The following FGD4 variants were observed in gnomAD, a reference collection of about 807,000 sequenced individuals.
FGD4 encodes FYVE, RhoGEF and PH domain-containing protein 4.
Under a neutral mutation model 102.0 loss-of-function variants are expected in FGD4, and 42 were observed. That is an observed-to-expected ratio of 0.41 (90% CI 0.32 to 0.53). The LOEUF (loss-of-function observed/expected upper bound fraction) is 0.53, where lower values mean the gene tolerates loss of function less well. Ranked by LOEUF, FGD4 falls within the 20% of genes least tolerant of loss-of-function variation. The probability of loss-of-function intolerance (pLI) is 0.21; values close to 1 mark genes in which losing one functional copy is unlikely to be tolerated. For synonymous variants in FGD4, 380 were observed against 375.7 expected (o/e 1.01, Z -0.13); for missense variants, 902 against 1,078.2 (o/e 0.84, Z 2.29).
chr12:32,523,972 T>G (rs1407548249), intron 1 of FGD4, among the ~76,000 whole-genome samples: 1 of 151,868 alleles, frequency 6.6e-6, no homozygotes, highest in Non-Finnish European at 1.5e-5. Flanking sequence ...AGCAAGACTC[T>G]GTCTCAAAAA....
chr12:32,453,784 C>T (rs1248156981), intron 1 of FGD4, among the ~76,000 whole-genome samples: 1 of 152,068 alleles, frequency 6.6e-6, no homozygotes. Context: ...AAGGCTCACA[C>T]CTGTTGTATT....
chr12:32,539,879 GA>G (rs931175883), intron 1 of FGD4, among the ~76,000 whole-genome samples: 33 of 152,216 alleles, frequency 2.2e-4, no homozygotes, highest in Middle Eastern at 3.4e-3. Context: ...TACAAAGCTT[GA>G]AAATAATTTT....
intron 1 of FGD4, among the ~76,000 whole-genome samples, chr12:32,491,148 AAAC>A (rs1483727322): frequency 6.7e-6 from 1 of 149,596 alleles, no homozygotes; most frequent in African/African-American, 2.5e-5. Context: ...AAAAAAAAAA[AAAC>A]AAAAAACTAT....
chr12:32,492,901 C>T (rs1034908724), intron 1 of FGD4, among the ~76,000 whole-genome samples: 3 of 152,166 alleles, frequency 2.0e-5, no homozygotes, highest in African/African-American at 7.2e-5. Context: ...GCTGGTGCTG[C>T]CCGCACCTTG....
At chr12:32,553,079 C>T (rs960063264) in intron 1 of FGD4, among the ~76,000 whole-genome samples, 1 of 151,806 alleles carries the variant, frequency 6.6e-6, no homozygotes, top group Admixed American at 6.6e-5. Context: ...CAAGCATGAG[C>T]CACTGCACCT....
chr12:32,486,119 T>C, intron 1 of FGD4: 1 of 1,530,638 alleles, frequency 6.5e-7, no homozygotes, highest in South Asian at 1.2e-5. Context: ...CTGGATGTTA[T>C]GAAAAGAATC....
At chr12:32,497,047 C>G (rs1025773400) in intron 1 of FGD4, among the ~76,000 whole-genome samples, 1 of 152,030 alleles carries the variant, frequency 6.6e-6, no homozygotes, top group African/African-American at 2.4e-5. Flanking sequence ...GATGGTTGGA[C>G]TTGAATAGAA....
At chr12:32,584,360 A>C (rs1334870779) in intron 4 of FGD4, among the ~76,000 whole-genome samples, 1 of 152,240 alleles carries the variant, frequency 6.6e-6, no homozygotes, top group Non-Finnish European at 1.5e-5. Context: ...AGTAGTGTTA[A>C]GATGGTAAAT....
chr12:32,415,382 C>A (rs1280222776), intron 1 of FGD4, among the ~76,000 whole-genome samples: 1 of 145,524 alleles, frequency 6.9e-6, no homozygotes, highest in African/African-American at 2.5e-5. Context: ...ATTTAGATGT[C>A]TCCAGCTATT....
chr12:32,533,009 C>T (rs937707381), intron 1 of FGD4, among the ~76,000 whole-genome samples: 1 of 152,178 alleles, frequency 6.6e-6, no homozygotes, highest in African/African-American at 2.4e-5. Context: ...ACCCCTCACA[C>T]CTCATCCTCA....
intron 1 of FGD4, among the ~76,000 whole-genome samples, chr12:32,476,336 A>G (rs1395253131): frequency 1.3e-5 from 2 of 152,112 alleles, no homozygotes; most frequent in African/African-American, 2.4e-5. Flanking sequence ...AAAAACAAGT[A>G]TTTTCTCACG....
intron 8 of FGD4, among the ~76,000 whole-genome samples, chr12:32,608,924 A>G (rs1052242563): frequency 6.6e-6 from 1 of 152,102 alleles, no homozygotes; most frequent in African/African-American, 2.4e-5. Flanking sequence ...TATTATTACT[A>G]TTATTATTTT....
chr12:32,564,018 A>C, intron 1 of FGD4, 119 bp from the exon 2 acceptor site: 5 of 605,482 alleles, frequency 8.3e-6, no homozygotes, highest in Non-Finnish European at 1.2e-5. Flanking sequence ...TGGAAAGGGG[A>C]GAGGGAGAGG....
chr12:32,550,789 TC>T (rs1261588832), intron 1 of FGD4, among the ~76,000 whole-genome samples: 1 of 151,258 alleles, frequency 6.6e-6, no homozygotes, highest in Admixed American at 6.6e-5. Context: ...TGAAGAAACG[TC>T]AAATGGAGAA....
At chr12:32,582,572 C>G in intron 4 of FGD4, 105 bp downstream of exon 4, 1 of 1,451,256 alleles carries the variant, frequency 6.9e-7, no homozygotes, top group Admixed American at 1.9e-5. Context: ...ATCAGATCAC[C>G]CACACTGGCA....
intron 1 of FGD4, among the ~76,000 whole-genome samples, chr12:32,439,521 A>C (rs1942354929): frequency 6.6e-6 from 1 of 152,150 alleles, no homozygotes; most frequent in Non-Finnish European, 1.5e-5. Flanking sequence ...TCTATTTATA[A>C]TTTTTTGAAG....
chr12:32,563,872 G>C (rs1009496961), intron 1 of FGD4, among the ~76,000 whole-genome samples: 1 of 152,118 alleles, frequency 6.6e-6, no homozygotes, highest in African/African-American at 2.4e-5. Context: ...ATGGCGGCGC[G>C]GGCATGTAAT....
intron 7 of FGD4, among the ~76,000 whole-genome samples, chr12:32,607,514 T>G (rs1410902582): frequency 6.6e-6 from 1 of 152,000 alleles, no homozygotes; most frequent in Non-Finnish European, 1.5e-5. Context: ...CTGTTTTCTG[T>G]TGTTGTTGTT....
chr12:32,582,582 A>G lies in FGD4; in HGVS notation c.1011+115A>G, dbSNP rs1284345840. On this transcript the variant is annotated intron_variant, in intron 4 of 16. Transcript: ENST00000534526. Reference sequence around the variant, plus strand: ...TATGAATCAGATCACCCACACTGGCAGTTAAACGATTTTCAAGCTCTGGCT... The same window carrying G: ...TATGAATCAGATCACCCACACTGGCGGTTAAACGATTTTCAAGCTCTGGCT... 5.1e-6 allele frequency: 7 copies of G among 1,378,248 alleles called. 1 individual carries two copies. In the Admixed American group the frequency reaches 1.4e-4, roughly 27 times the overall value. 85.4% of individuals were successfully genotyped at this position (1,378,248 alleles called of 1,614,324 possible). A position where few individuals can be genotyped will look rare whatever the true frequency, so the allele number is the denominator to read the frequency against.
Sources: gnomAD v4.1 joint callset for allele counts (sites outside exome capture counted in the v4.1 genomes callset) on GRCh38, gnomAD v4.1.1 for gene constraint, MANE v1.5 for transcripts, NCBI Gene and HGNC (gene_info 2026-07-23, HGNC 2026-07-21) for gene names.